Variants in MYOCD observed in about 807,000 individuals in gnomAD.
The protein encoded by MYOCD is myocardin.
Under a neutral mutation model 96.1 loss-of-function variants are expected in MYOCD, and 32 were observed. The ratio of observed to expected loss-of-function variants is 0.33; its 90% CI spans 0.25 to 0.45. The LOEUF (loss-of-function observed/expected upper bound fraction) is 0.45, where lower values mean the gene tolerates loss of function less well. MYOCD is among the 20% of genes least tolerant of loss of function. The pLI is 1.00. For missense variants in MYOCD, 1,133 were observed against 1,200.6 expected, an observed-to-expected ratio of 0.94 and a Z score of 0.83; for synonymous variants, 469 against 469.0, an observed-to-expected ratio of 1.00 and a Z score of 0.00.
intron 1 of MYOCD, among the ~76,000 whole-genome samples, chr17:12,701,900 T>C (rs922081466): frequency 6.6e-6 from 1 of 152,254 alleles, no homozygotes; most frequent in African/African-American, 2.4e-5. Flanking sequence ...AATTCCAATG[T>C]GGTCAGAAAA....
intron 1 of MYOCD, among the ~76,000 whole-genome samples, chr17:12,693,381 G>T (rs568106973): frequency 6.6e-6 from 1 of 152,036 alleles, no homozygotes; most frequent in African/African-American, 2.4e-5. Flanking sequence ...AGGCCGAGGT[G>T]GGCGGATCAC....
At chr17:12,683,241 C>A (rs936178680) in intron 1 of MYOCD, among the ~76,000 whole-genome samples, 7 of 152,150 alleles carry the variant, frequency 4.6e-5, no homozygotes, top group Admixed American at 3.9e-4. Context: ...GAGGGATGCC[C>A]ATCCTCAGAA....
At chr17:12,733,998 T>C (rs1321470651) in intron 5 of MYOCD, among the ~76,000 whole-genome samples, 1 of 152,186 alleles carries the variant, frequency 6.6e-6, no homozygotes, top group Non-Finnish European at 1.5e-5. Flanking sequence ...CCACCTGCTA[T>C]TTTTATTATT....
intron 10 of MYOCD, among the ~76,000 whole-genome samples, chr17:12,754,113 C>A (rs2032942813): frequency 6.9e-6 from 1 of 145,540 alleles, no homozygotes; most frequent in Non-Finnish European, 1.5e-5. Context: ...AAGTTTGCAA[C>A]TGTTTTTTTG....
chr17:12,722,138 T>C (rs2031857619), intron 4 of MYOCD, among the ~76,000 whole-genome samples: 1 of 152,202 alleles, frequency 6.6e-6, no homozygotes, highest in South Asian at 2.1e-4. Flanking sequence ...TAACTTACAG[T>C]TCTCCATGAC....
intron 9 of MYOCD, among the ~76,000 whole-genome samples, chr17:12,748,247 C>A (rs1488676094): frequency 1.3e-5 from 2 of 150,252 alleles, no homozygotes; most frequent in African/African-American, 2.5e-5. Context: ...TGAGAGAATA[C>A]CTTATTGATA....
intron 2 of MYOCD, chr17:12,706,227 G>C (rs1482458553): frequency 6.6e-6 from 1 of 152,196 alleles, no homozygotes; most frequent in East Asian, 1.9e-4. Flanking sequence ...TGACCTTAAA[G>C]TGGGACAACT....
chr17:12,728,401 C>T (rs2032062879), intron 5 of MYOCD, among the ~76,000 whole-genome samples: 1 of 152,148 alleles, frequency 6.6e-6, no homozygotes, highest in Non-Finnish European at 1.5e-5. Context: ...TTTTCAGCTC[C>T]AAAAGACAAG....
At chr17:12,716,675 GT>G (rs1210196980) in intron 3 of MYOCD, among the ~76,000 whole-genome samples, 1 of 152,120 alleles carries the variant, frequency 6.6e-6, no homozygotes, top group Non-Finnish European at 1.5e-5. Flanking sequence ...GGTTAATTTT[GT>G]GACTGTTTTC....
chr17:12,680,515 G>A (rs1416404570), intron 1 of MYOCD, among the ~76,000 whole-genome samples: 1 of 152,202 alleles, frequency 6.6e-6, no homozygotes, highest in African/African-American at 2.4e-5. Flanking sequence ...GAGTCCCTTT[G>A]TCTCAGGCAT....
intron 1 of MYOCD, among the ~76,000 whole-genome samples, chr17:12,687,256 C>T (rs908274366): frequency 6.6e-5 from 10 of 152,054 alleles, no homozygotes; most frequent in East Asian, 1.9e-4. Context: ...TATTTCTAAC[C>T]GAGTCCTTCC....
intron 4 of MYOCD, chr17:12,720,395 G>C (rs931438574): frequency 6.6e-6 from 1 of 151,964 alleles, no homozygotes; most frequent in Non-Finnish European, 1.5e-5. Flanking sequence ...TAAACCTTCC[G>C]CTCCTAAACC....
At position 12,763,198 on chromosome 17, in the gene MYOCD, G is replaced by A. The variant is rs1390677614; in HGVS notation, c.2515G>A (p.Gly839Ser). The A allele has an allele frequency of 1.2e-6, 2 of 1,614,036 alleles. No homozygotes were observed. Among genetic ancestry groups the A allele is most frequent in the Admixed American group, 1.7e-5 (1 of 59,996 alleles). Residue 839 changes from glycine (G) to serine (S), a missense_variant, in exon 14 of 14, where the codon GGC becomes AGC. Physicochemically the swap from Gly to Ser is moderately conservative, Grantham distance 56. Coordinates refer to ENST00000425538, the MANE Select transcript of MYOCD (RefSeq NM_001146312.3). Reference protein sequence around the residue: ...PSASFEQASSGSQIPFDPYAT... With the variant: ...PSASFEQASSSSQIPFDPYAT... ...GGCTTCCTTTGAACAAGCCTCTTCA[G>A]GCAGCCAGATCCCCTTTGATCCCTA...
At chr17:12,715,492 A>T (rs373959051) in intron 2 of MYOCD, 27 bp from the exon 3 acceptor site, 1 of 1,608,914 alleles carries the variant, frequency 6.2e-7, no homozygotes. Flanking sequence ...CCCAGCCTCC[A>T]CTCACGTTTT....
chr17:12,688,524 A>G (rs1233293446), intron 1 of MYOCD, among the ~76,000 whole-genome samples: 6 of 87,250 alleles, frequency 6.9e-5, no homozygotes, highest in African/African-American at 1.6e-4. Context: ...CCTCCCTTCC[A>G]TCTTCTTCCT....
intron 11 of MYOCD, 37 bp from the exon 12 acceptor site, chr17:12,758,048 T>C: frequency 6.9e-7 from 1 of 1,451,444 alleles, no homozygotes; most frequent in Non-Finnish European, 9.7e-7. Flanking sequence ...TTCAGATCCA[T>C]GAATTCAATG....
chr17:12,704,163 C>G (rs1463358234), intron 1 of MYOCD, among the ~76,000 whole-genome samples: 1 of 152,098 alleles, frequency 6.6e-6, no homozygotes. Flanking sequence ...TTGCAGTCCT[C>G]TGGAAAACAC....
chr17:12,678,496 C>T (rs531329305), intron 1 of MYOCD, among the ~76,000 whole-genome samples: 21 of 152,014 alleles, frequency 1.4e-4, no homozygotes, highest in African/African-American at 4.8e-4. Flanking sequence ...ATCCTCTTCT[C>T]TTATAATTGA....
chr17:12,723,031 C>G, intron 5 of MYOCD, 23 bp downstream of exon 5: 1 of 1,605,566 alleles, frequency 6.2e-7, no homozygotes, highest in Non-Finnish European at 8.5e-7. Flanking sequence ...AATGGCATGT[C>G]TCTCCTTGGT....
Sources: allele counts gnomAD v4.1 joint callset (sites outside exome capture counted in the v4.1 genomes callset), GRCh38; gene constraint gnomAD v4.1.1; transcripts MANE v1.5; gene names NCBI Gene and HGNC (gene_info 2026-07-23, HGNC 2026-07-21).